Variants in FBLN1 observed in about 807,000 individuals in gnomAD.
FBLN1 encodes fibulin-1.
Under a neutral mutation model 89.7 loss-of-function variants are expected in FBLN1, and 34 were observed. The observed-to-expected ratio is 0.38, with a 90% CI of 0.29 to 0.50. The LOEUF is 0.50. Ranked by LOEUF, FBLN1 falls within the 20% of genes least tolerant of loss-of-function variation. FBLN1 has a pLI of 0.92. For missense variants in FBLN1, 777 were observed against 988.1 expected, an observed-to-expected ratio of 0.79 and a Z score of 2.86; for synonymous variants, 393 against 391.3, an observed-to-expected ratio of 1.00 and a Z score of -0.05.
rs1272582672 is a variant in FBLN1, at chr22:45,575,695, G to A, written c.1840+1042G>A. ...CTGGCATGCAGTGTAGTCATGTTGTGTAACCTGCCATCACTGCACCGTTTC... is the reference window on the plus strand; with the variant it reads ...CTGGCATGCAGTGTAGTCATGTTGTATAACCTGCCATCACTGCACCGTTTC... On this transcript the variant is annotated intron_variant, in intron 15 of 16. Transcript: ENST00000327858. The surrounding 1 kb of genome is among the most constrained non-coding windows in gnomAD (Gnocchi z 6.3). Among the ~76,000 whole-genome samples, 3 of 152,152 alleles carry A rather than the reference G, an allele frequency of 2.0e-5. No individual in the cohort carries two copies. The highest frequency in any genetic ancestry group is 4.8e-5 in the African/African-American group (2 of 41,440).
chr22:45,525,666 C>G lies in FBLN1; in HGVS notation c.309C>G (p.Ala103=), dbSNP rs767975618. 111 of 1,551,372 alleles carry G rather than the reference C, an allele frequency of 7.2e-5. No individual in the cohort carries two copies. In the South Asian group the frequency reaches 1.2e-3, roughly 17 times the overall value. The part of the protein sequence containing the change: ...TPHGDNASLE[A]TFVKRCCHCC... Reference sequence around the variant, plus strand: ...ACGGTGACAACGCCAGCCTGGAGGCCACATTTGTGAAGGTGAGAGCCAAAG... The same window carrying G: ...ACGGTGACAACGCCAGCCTGGAGGCGACATTTGTGAAGGTGAGAGCCAAAG... The change falls in exon 3 of 17, where the codon GCC becomes GCG. Residue 103 remains alanine (A), a synonymous_variant. Coordinates refer to ENST00000327858, the MANE Select transcript of FBLN1 (RefSeq NM_006486.3).
rs1008143357 is a variant in FBLN1 at position 45,550,186 on chromosome 22, TA to T, written c.1574-305del. On this transcript the variant is annotated intron_variant, in intron 13 of 16. Coordinates refer to ENST00000327858, the MANE Select transcript of FBLN1 (RefSeq NM_006486.3). This position sits in a 1 kb window ranked among gnomAD's most constrained non-coding sequence, Gnocchi z 8.4. ...AACAGTATCTGCCTCATTGAGTTCT[TA>T]GGAGGATTCAGTGACTTATCCTTGC... Among the ~76,000 whole-genome samples the T allele has an allele frequency of 8.5e-5, 13 of 152,194 alleles. No homozygotes were observed. The highest frequency in any genetic ancestry group is 7.9e-4 in the Admixed American group (12 of 15,280).
At chr22:45,552,204 C>G (rs773481671) in intron 14 of FBLN1, among the ~76,000 whole-genome samples, 52 of 152,146 alleles carry the variant, frequency 3.4e-4, no homozygotes, top group Non-Finnish European at 1.0e-4. Context: ...AGGAGGGGAC[C>G]CCACCTGGCT....
chr22:45,580,845 C>G lies in FBLN1; in HGVS notation c.1972+3737C>G, dbSNP rs2089036206. Among the ~76,000 whole-genome samples the G allele has an allele frequency of 6.6e-6, 1 of 152,232 alleles. No individual in the cohort carries two copies. The highest frequency in any genetic ancestry group is 1.5e-5 in the Non-Finnish European group (1 of 68,028). On this transcript the variant is annotated intron_variant, in intron 16 of 16. Coordinates refer to ENST00000327858, the MANE Select transcript of FBLN1 (RefSeq NM_006486.3). The surrounding 1 kb of genome is among the most constrained non-coding windows in gnomAD (Gnocchi z 8.6). ...AAGAACCTGCAAGGGCCGGGTCGTC[C>G]TCTAATGTAGCCTTGAAAGACCCGT...
At chr22:45,551,161 G>C (rs138074741) in intron 14 of FBLN1, 21 of 216,426 alleles carry the variant, frequency 9.7e-5, no homozygotes, top group African/African-American at 4.5e-4. Flanking sequence ...GTCTTTGTAA[G>C]CTCACTCACT....
chr22:45,516,939 G>T (rs570801833), intron 1 of FBLN1, among the ~76,000 whole-genome samples: 1 of 152,224 alleles, frequency 6.6e-6, no homozygotes, highest in Non-Finnish European at 1.5e-5. Flanking sequence ...GCTCATTCGT[G>T]CACTGACCTT....
chr22:45,558,558 T>C, intron 14 of FBLN1: 1 of 159,804 alleles, frequency 6.3e-6, no homozygotes, highest in Non-Finnish European at 1.4e-5. Flanking sequence ...ATGGCCCAAG[T>C]GGCAGAGCAA....
intron 16 of FBLN1, among the ~76,000 whole-genome samples, chr22:45,582,568 C>T (rs1341328767): frequency 6.6e-6 from 1 of 152,226 alleles, no homozygotes; most frequent in Admixed American, 6.5e-5. Flanking sequence ...CCCCTCCCAG[C>T]CTCAATGATT....
At chr22:45,543,731 G>A (rs1005756519) in intron 11 of FBLN1, among the ~76,000 whole-genome samples, 11 of 152,242 alleles carry the variant, frequency 7.2e-5, no homozygotes, top group African/African-American at 2.4e-4. Context: ...TCCACCCTCC[G>A]AGGCCGTGTC....
At chr22:45,566,869 A>G (rs1356044034) in intron 14 of FBLN1, among the ~76,000 whole-genome samples, 1 of 152,244 alleles carries the variant, frequency 6.6e-6, no homozygotes, top group African/African-American at 2.4e-5. Context: ...GACAGCAATA[A>G]GGGTGATTTT....
rs991019508 is a variant in FBLN1, at chr22:45,578,460, G to A, written c.1972+1352G>A. ...GCCCTCGCGTGATTCCAAGGGGAAG[G>A]CGCATGGTTTGGTTGTCGGCAGTTG... On this transcript the variant is annotated intron_variant, in intron 16 of 16. Transcript: ENST00000327858. This position sits in a 1 kb window ranked among gnomAD's most constrained non-coding sequence, Gnocchi z 4.6. The A allele has an allele frequency of 1.3e-5, 2 of 152,204 alleles. No individual in the cohort carries two copies. Among genetic ancestry groups the A allele is most frequent in the Non-Finnish European group, 2.9e-5 (2 of 68,036 alleles). 9.4% of individuals were successfully genotyped at this position (152,204 alleles called of 1,614,324 possible).
At chr22:45,554,276 C>G (rs887595409) in intron 14 of FBLN1, among the ~76,000 whole-genome samples, 2 of 152,228 alleles carry the variant, frequency 1.3e-5, no homozygotes, top group Admixed American at 6.5e-5. Flanking sequence ...ATGCTCCTCC[C>G]CCAGTTCACG....
chr22:45,533,750 GTC>G lies in FBLN1; in HGVS notation c.647-6_647-5del. 1 of 1,610,328 alleles carries G rather than the reference GTC, an allele frequency of 6.2e-7. No homozygotes were observed. The highest frequency in any genetic ancestry group is 8.5e-7 in the Non-Finnish European group (1 of 1,179,948). Reference sequence around the variant, plus strand: ...TGCTGGTCACCCCCGCACTGCCTCGGTCTCTCCTAGATGTCAATGAATGCATC... The same window carrying G: ...TGCTGGTCACCCCCGCACTGCCTCGGTCTCCTAGATGTCAATGAATGCATC... On this transcript the variant is annotated splice_polypyrimidine_tract_variant and intron_variant, in intron 6 of 16. Transcript: ENST00000327858.
In FBLN1 at chr22:45,600,792, C is replaced by T; in HGVS notation, c.*346C>T. 2.7e-6 allele frequency: 1 copy of T among 375,422 alleles called. No homozygotes were observed. The highest frequency in any genetic ancestry group is 2.4e-5 in the South Asian group (1 of 42,286). 23.3% of individuals were successfully genotyped at this position (375,422 alleles called of 1,614,324 possible). A position where few individuals can be genotyped will look rare whatever the true frequency, so the allele number is the denominator to read the frequency against. On this transcript the variant is annotated 3_prime_UTR_variant, in exon 17 of 17. Coordinates refer to ENST00000327858, the MANE Select transcript of FBLN1 (RefSeq NM_006486.3). The stretch of plus-strand genomic sequence containing the variant: ...GCCAGTCCAAATGCCAAAAGAAGAC[C>T]AGTTCTTGCCCTGATTGTATGAAAT...
In FBLN1 at chr22:45,561,653, T is replaced by C. The variant is rs1233965037; in HGVS notation, c.1697+11038T>C. ...AAGAACTCCATCTTTAATATTCTCT[T>C]CCTCTAGAACCACTCCTGGTACCAA... On this transcript the variant is annotated intron_variant, in intron 14 of 16. Transcript: ENST00000327858. The surrounding 1 kb of genome is among the most constrained non-coding windows in gnomAD (Gnocchi z 4.7). Among the ~76,000 whole-genome samples the C allele has an allele frequency of 6.6e-6, 1 of 152,124 alleles. No individual in the cohort carries two copies. Among genetic ancestry groups the C allele is most frequent in the Non-Finnish European group, 1.5e-5 (1 of 68,034 alleles).
rs1037610771 is a variant in FBLN1, at chr22:45,567,636, G to A, written c.1698-6875G>A. 7.2e-5 allele frequency among the ~76,000 whole-genome samples: 11 copies of A among 152,060 alleles called. No homozygotes were observed. In the South Asian group the frequency reaches 1.0e-3, roughly 14 times the overall value. On this transcript the variant is annotated intron_variant, in intron 14 of 16. Transcript: ENST00000327858. ...GTCTCAGAAAAAAGATATGCAAAAC[G>A]TGTAGCGTAGAGACTGGAAAGGCAG... is the stretch of plus-strand genomic sequence containing the variant.
At chr22:45,565,369 C>A in intron 14 of FBLN1, 1 of 1,047,888 alleles carries the variant, frequency 9.5e-7, no homozygotes, top group Non-Finnish European at 1.2e-6. Flanking sequence ...GTGCTTGTAC[C>A]CTGGCCCCAC....
At chr22:45,554,989 C>T (rs1016202356) in intron 14 of FBLN1, among the ~76,000 whole-genome samples, 4 of 149,690 alleles carry the variant, frequency 2.7e-5, no homozygotes, top group African/African-American at 7.6e-5. Context: ...GACCCGTCCC[C>T]GTCTCCACCA....
At chr22:45,598,702 A>C (rs1412544482) in intron 16 of FBLN1, among the ~76,000 whole-genome samples, 1 of 152,176 alleles carries the variant, frequency 6.6e-6, no homozygotes, top group Non-Finnish European at 1.5e-5. Context: ...GATGTCTGGA[A>C]CCCTGGGAAC....
Sources: allele counts gnomAD v4.1 joint callset (sites outside exome capture counted in the v4.1 genomes callset), GRCh38; gene constraint gnomAD v4.1.1; non-coding constraint Gnocchi (gnomAD v3.1); transcripts MANE v1.5; gene names NCBI Gene and HGNC (gene_info 2026-07-23, HGNC 2026-07-21).